The following ATP9B variants were observed in gnomAD, a reference collection of about 807,000 sequenced individuals.
ATP9B encodes ATPase phospholipid transporting 9B.
Under a neutral mutation model 146.1 loss-of-function variants are expected in ATP9B, and 110 were observed. The observed-to-expected ratio is 0.75, with a 90% CI of 0.65 to 0.88. ATP9B has a LOEUF of 0.88. ATP9B is among the 40% of genes least tolerant of loss of function. The pLI, the probability that ATP9B is intolerant of heterozygous loss-of-function variation, is 0.00. For synonymous variants in ATP9B, 604 were observed against 569.7 expected, an observed-to-expected ratio of 1.06 and a Z score of -0.86; for missense variants, 1,499 against 1,496.4, an observed-to-expected ratio of 1.00 and a Z score of -0.03.
chr18:79,249,595 A>G (rs1474399898), intron 11 of ATP9B, among the ~76,000 whole-genome samples: 2 of 152,188 alleles, frequency 1.3e-5, no homozygotes, highest in African/African-American at 4.8e-5. Flanking sequence ...GGTATTTAAG[A>G]CATTTTTTAA....
intron 11 of ATP9B, among the ~76,000 whole-genome samples, chr18:79,235,726 T>C (rs1382811706): frequency 6.6e-6 from 1 of 151,984 alleles, no homozygotes; most frequent in Non-Finnish European, 1.5e-5. Context: ...TGAAGTAGAA[T>C]TCTCCCAGCT....
At chr18:79,231,990 A>G (rs920637569) in intron 11 of ATP9B, among the ~76,000 whole-genome samples, 3 of 152,030 alleles carry the variant, frequency 2.0e-5, no homozygotes, top group Non-Finnish European at 2.9e-5. Flanking sequence ...GAATAACACA[A>G]TGGACTTTGG....
At position 79,206,570 on chromosome 18, in the gene ATP9B, C is replaced by T. The variant is rs561011863; in HGVS notation, c.955-367C>T. 1.3e-3 allele frequency among the ~76,000 whole-genome samples: 200 copies of T among 151,846 alleles called. 1 individual carries two copies. The highest frequency in any genetic ancestry group is 4.3e-3 in the African/African-American group (176 of 41,364). ...AGCTACTTGGGAGTCTGAGATGGGA[C>T]GATTGCTTGAGCCCAGGAATTTGAG... On this transcript the variant is annotated intron_variant, in intron 9 of 29. Transcript: ENST00000426216.
rs191364713 is a variant in ATP9B, at chr18:79,305,282, A to G, written c.1524+1566A>G. 1.6e-3 allele frequency among the ~76,000 whole-genome samples: 245 copies of G among 152,332 alleles called. 1 individual carries two copies. Among genetic ancestry groups the G allele is most frequent in the African/African-American group, 4.2e-3 (173 of 41,580 alleles). On this transcript the variant is annotated intron_variant, in intron 14 of 29. Transcript: ENST00000426216. ...GCATTCAGTGGTCAGCATTGTATTC[A>G]GTTTTTTGAAAACCTTCTCTTTCTT...
At chr18:79,169,370 G>A (rs2095035058) in intron 7 of ATP9B, among the ~76,000 whole-genome samples, 1 of 152,178 alleles carries the variant, frequency 6.6e-6, no homozygotes, top group African/African-American at 2.4e-5. Flanking sequence ...TTGGTAGCTA[G>A]AGTAATGCTT....
chr18:79,345,787 A>G lies in ATP9B; in HGVS notation c.2630A>G (p.Asn877Ser). 1 of 1,614,270 alleles carries G rather than the reference A, an allele frequency of 6.2e-7. No homozygotes were observed. Among genetic ancestry groups the G allele is most frequent in the Non-Finnish European group, 8.5e-7 (1 of 1,180,048 alleles). The change falls in exon 23 of 30, where the codon AAT (asparagine) becomes AGT (serine). Residue 877 changes from asparagine to serine, a missense_variant. Coordinates refer to ENST00000426216, the MANE Select transcript of ATP9B (RefSeq NM_198531.5). ...TCTTGCTTCGCAGGTGATGGAGGAA[A>G]TGATGTCAGCATGATTCAGGCAGCA... is the stretch of plus-strand genomic sequence containing the variant. ...RRTCAIGDGG[N>S]DVSMIQAADC...
At chr18:79,178,342 G>A (rs1392178454) in intron 8 of ATP9B, among the ~76,000 whole-genome samples, 1 of 152,210 alleles carries the variant, frequency 6.6e-6, no homozygotes, top group Non-Finnish European at 1.5e-5. Context: ...CGGGTGTGCA[G>A]TGATATCTTA....
intron 1 of ATP9B, among the ~76,000 whole-genome samples, chr18:79,075,286 G>A (rs964056475): frequency 7.9e-5 from 12 of 152,112 alleles, no homozygotes; most frequent in Admixed American, 2.6e-4. Flanking sequence ...AGAGTAGCTG[G>A]GATAGTAGGC....
Position 79,345,533 on chromosome 18 carries a change from C to G in ATP9B, c.2578C>G (p.Leu860Val), listed in dbSNP as rs763819435. The G allele has an allele frequency of 2.9e-5, 46 of 1,611,674 alleles. No homozygotes were observed. Among genetic ancestry groups the G allele is most frequent in the Non-Finnish European group, 8.5e-6 (10 of 1,180,036 alleles). Residue 860 changes from leucine (L) to valine (V), a missense_variant, in exon 22 of 30, where the codon CTG becomes GTG. By Grantham distance (32) the Leu-to-Val change is conservative. Transcript: ENST00000426216. ...SPTQKARIVT[L>V]LQQHTGRRTC... ...CACCCAGAAGGCCCGCATTGTGACA[C>G]TGCTGCAGCAGCACACAGGGAGACG...
rs935714972 is a variant in ATP9B at position 79,377,737 on chromosome 18, C to T, written c.*354C>T. On this transcript the variant is annotated 3_prime_UTR_variant, in exon 30 of 30. Transcript: ENST00000426216. Reference sequence around the variant, plus strand: ...CAAGCCCAGGGCACAGAGGCCGGGACGGCCTCTCCCTCTCAGTGTGAGGCT... The same window carrying T: ...CAAGCCCAGGGCACAGAGGCCGGGATGGCCTCTCCCTCTCAGTGTGAGGCT... 5.5e-5 allele frequency: 13 copies of T among 236,554 alleles called. No homozygotes were observed. The highest frequency in any genetic ancestry group is 4.7e-4 in the East Asian group (5 of 10,548). The allele number at this position is 236,554 out of a possible 1,614,324, so 14.7% of individuals were successfully genotyped here. A position where few individuals can be genotyped will look rare whatever the true frequency, so the allele number is the denominator to read the frequency against.
intron 7 of ATP9B, among the ~76,000 whole-genome samples, chr18:79,170,306 A>G (rs542314764): frequency 1.3e-5 from 2 of 152,210 alleles, no homozygotes; most frequent in Non-Finnish European, 2.9e-5. Flanking sequence ...GATAAACAGG[A>G]TGGGGAACTC....
At chr18:79,245,563 C>G (rs2095937852) in intron 11 of ATP9B, among the ~76,000 whole-genome samples, 1 of 151,292 alleles carries the variant, frequency 6.6e-6, no homozygotes. Flanking sequence ...AGGGCACCGC[C>G]CTACTGACTG....
chr18:79,336,231 G>GCCCTCCCTGGCACCAGGCGCTCCCC (rs1555860115), intron 17 of ATP9B, among the ~76,000 whole-genome samples: 2 of 152,068 alleles, frequency 1.3e-5, no homozygotes, highest in Non-Finnish European at 2.9e-5. Context: ...CACCCTCCGT[G>GCCCTCCCTGGCACCAGGCGCTCCCC]TGTTCTTGCT....
rs377682458 is a variant in ATP9B at position 79,284,294 on chromosome 18, TTC to T, written c.1411+7100_1411+7101del. On this transcript the variant is annotated intron_variant, in intron 13 of 29. Coordinates refer to ENST00000426216, the MANE Select transcript of ATP9B (RefSeq NM_198531.5). ...CAGCAAATATGAGTAGCCTTACTGGTTCTGTTTTTACTAATGTGTGTCCTTGG... is the reference window on the plus strand; with the variant it reads ...CAGCAAATATGAGTAGCCTTACTGGTTGTTTTTACTAATGTGTGTCCTTGG... 2.2e-3 allele frequency among the ~76,000 whole-genome samples: 338 copies of T among 152,322 alleles called. 1 individual carries two copies. Among genetic ancestry groups the T allele is most frequent in the African/African-American group, 7.8e-3 (326 of 41,562 alleles).
intron 13 of ATP9B, among the ~76,000 whole-genome samples, chr18:79,285,039 G>T (rs2096421803): frequency 6.6e-6 from 1 of 151,734 alleles, no homozygotes; most frequent in Non-Finnish European, 1.5e-5. Context: ...ATTTGGGTTG[G>T]TTCCAAGTCT....
intron 1 of ATP9B, among the ~76,000 whole-genome samples, chr18:79,083,822 T>C (rs1022926424): frequency 4.6e-5 from 7 of 151,938 alleles, no homozygotes; most frequent in Non-Finnish European, 8.8e-5. Flanking sequence ...CTTGATCTCA[T>C]TGGGAGCTGC....
intron 3 of ATP9B, among the ~76,000 whole-genome samples, chr18:79,112,700 G>C (rs1175788751): frequency 6.6e-6 from 1 of 151,626 alleles, no homozygotes; most frequent in Non-Finnish European, 1.5e-5. Flanking sequence ...GTTCACGTTT[G>C]GCTTGTTCAT....
intron 3 of ATP9B, 149 bp downstream of exon 3, chr18:79,110,654 T>C (rs2075949436): frequency 1.6e-6 from 1 of 632,146 alleles, no homozygotes; most frequent in African/African-American, 1.9e-5. Context: ...CCATCTGTGT[T>C]CCCAATAATC....
intron 5 of ATP9B, among the ~76,000 whole-genome samples, chr18:79,128,962 A>C (rs1382926439): frequency 1.3e-5 from 2 of 152,188 alleles, no homozygotes; most frequent in East Asian, 3.9e-4. Context: ...ACACTGTAAC[A>C]GGGCACTAAT....
Sources: allele counts gnomAD v4.1 joint callset (sites outside exome capture counted in the v4.1 genomes callset), GRCh38; gene constraint gnomAD v4.1.1; transcripts MANE v1.5; gene names NCBI Gene and HGNC (gene_info 2026-07-23, HGNC 2026-07-21).